The following MACROD2 variants were observed in gnomAD, a reference collection of about 807,000 sequenced individuals.
MACROD2 encodes mono-ADP ribosylhydrolase 2.
In MACROD2, 36 loss-of-function variants were observed where a neutral mutation model predicts 70.4. The ratio of observed to expected loss-of-function variants is 0.51; its 90% CI spans 0.39 to 0.68. MACROD2 has a LOEUF of 0.68. Ranked by LOEUF, MACROD2 falls within the 30% of genes least tolerant of loss-of-function variation. The pLI, the probability that MACROD2 is intolerant of heterozygous loss-of-function variation, is 0.00. For missense variants in MACROD2, 496 were observed against 538.4 expected (o/e 0.92, Z 0.78); for synonymous variants, 172 against 178.8 (o/e 0.96, Z 0.30).
intron 10 of MACROD2, among the ~76,000 whole-genome samples, chr20:15,907,247 G>A (rs111983686): frequency 1.4e-4 from 21 of 152,180 alleles, no homozygotes; most frequent in African/African-American, 4.6e-4. Context: ...AAAACAGAAC[G>A]ATCAGATTAT....
chr20:15,662,717 T>G (rs199848056), intron 8 of MACROD2, among the ~76,000 whole-genome samples: 5 of 35,734 alleles, frequency 1.4e-4, no homozygotes, highest in African/African-American at 2.8e-4. Flanking sequence ...CAGAGAGGGT[T>G]TTTTTTTTTT....
intron 2 of MACROD2, among the ~76,000 whole-genome samples, chr20:14,029,922 T>A (rs1041501603): frequency 2.0e-5 from 3 of 152,214 alleles, no homozygotes; most frequent in Non-Finnish European, 4.4e-5. Context: ...AAATTACTGT[T>A]CTGTTTCTAA....
At chr20:14,444,209 A>G (rs1241926973) in intron 3 of MACROD2, among the ~76,000 whole-genome samples, 2 of 152,126 alleles carry the variant, frequency 1.3e-5, no homozygotes, top group East Asian at 3.8e-4. Flanking sequence ...AAAGGGAATA[A>G]TATTGCCAGA....
intron 3 of MACROD2, among the ~76,000 whole-genome samples, chr20:14,351,085 T>G (rs2083118676): frequency 6.6e-6 from 1 of 152,226 alleles, no homozygotes; most frequent in Non-Finnish European, 1.5e-5. Flanking sequence ...TTCTGGGTTC[T>G]CTATTCTGTT....
chr20:15,150,510 T>C (rs1601143911), intron 5 of MACROD2, among the ~76,000 whole-genome samples: 1 of 152,032 alleles, frequency 6.6e-6, no homozygotes, highest in African/African-American at 2.4e-5. Context: ...TAGAAGCCCA[T>C]GCTGTAGCAG....
Position 14,785,198 on chromosome 20 carries a change from C to T in MACROD2, c.418+100239C>T, listed in dbSNP as rs1600661306. ...AAACACACACACACCCACACACACA[C>T]GCATGCACACAACTCTAAGAGCAAT... On this transcript the variant is annotated intron_variant, in intron 5 of 17. Coordinates refer to ENST00000684519, the MANE Select transcript of MACROD2 (RefSeq NM_001351661.2). 2.0e-5 allele frequency among the ~76,000 whole-genome samples: 3 copies of T among 151,862 alleles called. No homozygotes were observed. The South Asian group carries it at 6.2e-4, about 32-fold the overall frequency.
chr20:15,566,046 A>T (rs1024993444), intron 8 of MACROD2, among the ~76,000 whole-genome samples: 2 of 152,212 alleles, frequency 1.3e-5, no homozygotes, highest in Non-Finnish European at 2.9e-5. Context: ...TCTGTGAAAA[A>T]GTTGGACATC....
intron 7 of MACROD2, among the ~76,000 whole-genome samples, chr20:15,462,495 G>A (rs1412239550): frequency 1.3e-5 from 2 of 152,180 alleles, no homozygotes; most frequent in Non-Finnish European, 2.9e-5. Context: ...TCCAAAGCAC[G>A]TCATGACCTC....
intron 4 of MACROD2, among the ~76,000 whole-genome samples, chr20:14,593,886 C>T (rs1288081404): frequency 1.3e-5 from 2 of 152,092 alleles, no homozygotes. Context: ...TGTTTACTTG[C>T]ATGAATGGGT....
intron 5 of MACROD2, among the ~76,000 whole-genome samples, chr20:14,714,338 A>G (rs541094133): frequency 6.6e-6 from 1 of 152,118 alleles, no homozygotes; most frequent in East Asian, 1.9e-4. Flanking sequence ...TGGCGCTCAG[A>G]CTGCTGCACA....
intron 3 of MACROD2, among the ~76,000 whole-genome samples, chr20:14,468,258 G>A (rs2084481164): frequency 1.3e-5 from 2 of 151,874 alleles, no homozygotes; most frequent in Non-Finnish European, 2.9e-5. Flanking sequence ...TCTCTTTAGA[G>A]GTCTCTGGGA....
At chr20:15,225,963 T>C (rs1489352464) in intron 5 of MACROD2, among the ~76,000 whole-genome samples, 1 of 152,236 alleles carries the variant, frequency 6.6e-6, no homozygotes, top group East Asian at 1.9e-4. Flanking sequence ...TCATTTTCTC[T>C]GGAGATAGTG....
At chr20:15,149,171 G>T (rs1037696584) in intron 5 of MACROD2, among the ~76,000 whole-genome samples, 1 of 152,030 alleles carries the variant, frequency 6.6e-6, no homozygotes, top group African/African-American at 2.4e-5. Context: ...GGTGTGTAGG[G>T]AAGGGAGGGG....
At chr20:14,709,583 A>G (rs2071313412) in intron 5 of MACROD2, among the ~76,000 whole-genome samples, 1 of 152,240 alleles carries the variant, frequency 6.6e-6, no homozygotes. Flanking sequence ...AATAAATACA[A>G]AAAAGGCATA....
intron 5 of MACROD2, among the ~76,000 whole-genome samples, chr20:15,222,290 T>C (rs955112854): frequency 3.9e-5 from 6 of 152,192 alleles, no homozygotes; most frequent in Admixed American, 1.3e-4. Flanking sequence ...GAACATCTTA[T>C]AGACAATTGA....
intron 4 of MACROD2, among the ~76,000 whole-genome samples, chr20:14,519,332 T>C (rs1032846735): frequency 2.0e-5 from 3 of 152,118 alleles, no homozygotes; most frequent in African/African-American, 7.2e-5. Flanking sequence ...TGTCCCAAAC[T>C]GTAGGGAATA....
At chr20:14,989,718 A>G (rs1177903217) in intron 5 of MACROD2, among the ~76,000 whole-genome samples, 1 of 152,164 alleles carries the variant, frequency 6.6e-6, no homozygotes, top group Non-Finnish European at 1.5e-5. Context: ...TGAGCATATA[A>G]TAAGGTCCTA....
chr20:15,301,591 C>CTTTTTTTTTATTTTTTTTTTTTTTTTTT (rs2077643088), intron 6 of MACROD2, among the ~76,000 whole-genome samples: 1 of 81,250 alleles, frequency 1.2e-5, no homozygotes, highest in Non-Finnish European at 2.4e-5. Flanking sequence ...GGTAGGTGGC[C>CTTTTTTTTTATTTTTTTTTTTTTTTTTT]TTTTTTTTTT....
intron 5 of MACROD2, among the ~76,000 whole-genome samples, chr20:15,172,012 C>A (rs921594355): frequency 6.6e-6 from 1 of 152,208 alleles, no homozygotes; most frequent in Admixed American, 6.5e-5. Context: ...AATTTTAGAG[C>A]TTTCCAGAAG....
Sources: allele counts gnomAD v4.1 joint callset (sites outside exome capture counted in the v4.1 genomes callset), GRCh38; gene constraint gnomAD v4.1.1; transcripts MANE v1.5; gene names NCBI Gene and HGNC (gene_info 2026-07-23, HGNC 2026-07-21).